RIC1: variants seen among roughly 807,000 people sequenced by gnomAD.
The protein encoded by RIC1 is guanine nucleotide exchange factor subunit RIC1.
Under a neutral mutation model 169.0 loss-of-function variants are expected in RIC1, and 88 were observed. That is an observed-to-expected ratio of 0.52 (90% CI 0.44 to 0.62). RIC1 has a LOEUF of 0.62. Ranked by LOEUF, RIC1 falls within the 20% of genes least tolerant of loss-of-function variation. RIC1 has a pLI of 0.00. For missense variants in RIC1, 1,877 were observed against 1,725.5 expected (o/e 1.09, Z -1.56); for synonymous variants, 790 against 601.5 (o/e 1.31, Z -4.59).
chr9:5,740,636 G>GTA lies in RIC1; in HGVS notation c.901+2099_901+2100dup, dbSNP rs1563941192. ...GCAGGAAGCATCCAGCACACGAGATGTAGGCTGGGGGGCTAGGCCCGTCTC... is the reference window on the plus strand; with the variant it reads ...GCAGGAAGCATCCAGCACACGAGATGTATAGGCTGGGGGGCTAGGCCCGTCTC... On this transcript the variant is annotated intron_variant, in intron 8 of 25. Coordinates refer to ENST00000414202, the MANE Select transcript of RIC1 (RefSeq NM_020829.4). 5.3e-5 allele frequency among the ~76,000 whole-genome samples: 8 copies of GTA among 151,192 alleles called. 1 individual carries two copies. The South Asian group carries it at 1.7e-3, about 32-fold the overall frequency.
rs868397065 is a variant in RIC1, at chr9:5,680,519, G to T, written c.253-9440G>T. ...TATTAATTATTGCCTCAATTTCAGA[G>T]CCTGTTATTGGTCTATTCAGAGATT... On this transcript the variant is annotated intron_variant, in intron 2 of 25. Transcript: ENST00000414202. Among the ~76,000 whole-genome samples the T allele has an allele frequency of 5.9e-5, 9 of 152,064 alleles. No individual in the cohort carries two copies. In the South Asian group the frequency reaches 6.2e-4, roughly 11 times the overall value.
At chr9:5,672,071 G>A (rs1820140525) in intron 2 of RIC1, among the ~76,000 whole-genome samples, 1 of 152,156 alleles carries the variant, frequency 6.6e-6, no homozygotes, top group Admixed American at 6.5e-5. Context: ...TGAGGAAGCC[G>A]GCCCTTCTAC....
chr9:5,701,287 T>C (rs534288014), intron 3 of RIC1, among the ~76,000 whole-genome samples: 46 of 152,284 alleles, frequency 3.0e-4, no homozygotes, highest in Non-Finnish European at 5.3e-4. Context: ...CTTTGGAGTA[T>C]ATCGATTTAA....
intron 4 of RIC1, among the ~76,000 whole-genome samples, chr9:5,716,034 A>G (rs1161095847): frequency 1.3e-5 from 2 of 152,016 alleles, no homozygotes; most frequent in Non-Finnish European, 2.9e-5. Context: ...TGTAGAGACA[A>G]GGTTTCACCA....
At chr9:5,730,544 T>C (rs1824308311) in intron 6 of RIC1, among the ~76,000 whole-genome samples, 1 of 152,158 alleles carries the variant, frequency 6.6e-6, no homozygotes. Context: ...TATGGGTGCA[T>C]GTTTAAGTGG....
chr9:5,699,470 G>GTATA lies in RIC1; in HGVS notation c.332+9433_332+9436dup, dbSNP rs1294942213. ...TTTTATTCATCTTTCTTAAATGTAT[G>GTATA]TATAGCTTACATTTATTTCAATGTC... On this transcript the variant is annotated intron_variant, in intron 3 of 25. Transcript: ENST00000414202. Among the ~76,000 whole-genome samples, 4 of 150,740 alleles carry GTATA rather than the reference G, an allele frequency of 2.7e-5. No homozygotes were observed. The East Asian group carries it at 7.9e-4, about 30-fold the overall frequency.
intron 2 of RIC1, among the ~76,000 whole-genome samples, chr9:5,685,262 A>T (rs1057160350): frequency 1.3e-5 from 2 of 150,538 alleles, no homozygotes; most frequent in African/African-American, 4.9e-5. Flanking sequence ...TCTTCACAGA[A>T]TTGGAAAAAA....
At chr9:5,730,331 G>C (rs1253991954) in intron 6 of RIC1, among the ~76,000 whole-genome samples, 3 of 152,132 alleles carry the variant, frequency 2.0e-5, no homozygotes, top group Non-Finnish European at 2.9e-5. Context: ...GCCAGACTAA[G>C]GGAGGCCAGC....
chr9:5,684,302 G>A (rs56192624), intron 2 of RIC1, among the ~76,000 whole-genome samples: 343 of 14,956 alleles, frequency 0.023, 10 homozygotes, highest in Admixed American at 0.039. Context: ...CCCCCCCCCC[G>A]CCATCTCATC....
intron 1 of RIC1, among the ~76,000 whole-genome samples, chr9:5,632,765 A>G (rs1817778070): frequency 6.6e-6 from 1 of 152,192 alleles, no homozygotes; most frequent in Non-Finnish European, 1.5e-5. Flanking sequence ...GTAGTGTGAG[A>G]TGAATTACAT....
chr9:5,749,187 C>T (rs752914255), intron 12 of RIC1, among the ~76,000 whole-genome samples: 8 of 152,174 alleles, frequency 5.3e-5, no homozygotes, highest in Non-Finnish European at 8.8e-5. Context: ...AAGTAAAAAT[C>T]TAATGTATTT....
chr9:5,772,187 G>A (rs185056961), intron 23 of RIC1, among the ~76,000 whole-genome samples: 1 of 152,154 alleles, frequency 6.6e-6, no homozygotes, highest in African/African-American at 2.4e-5. Context: ...GAAGAAATTT[G>A]GTTTTGTGGA....
chr9:5,770,890 C>T (rs1180463455), intron 23 of RIC1, among the ~76,000 whole-genome samples: 5 of 152,090 alleles, frequency 3.3e-5, no homozygotes, highest in African/African-American at 1.2e-4. Context: ...GGTTTTGAAG[C>T]AATTTGTGTT....
At chr9:5,760,975 T>C (rs965380863) in intron 17 of RIC1, among the ~76,000 whole-genome samples, 1 of 152,128 alleles carries the variant, frequency 6.6e-6, no homozygotes, top group African/African-American at 2.4e-5. Context: ...TTATATAGCA[T>C]GTATAGCATT....
chr9:5,730,133 A>T (rs1216711385), intron 6 of RIC1, among the ~76,000 whole-genome samples: 1 of 152,246 alleles, frequency 6.6e-6, no homozygotes, highest in East Asian at 1.9e-4. Flanking sequence ...ATTAATGGTA[A>T]TAGGGAAATA....
chr9:5,722,049 C>T (rs967994584), intron 6 of RIC1, among the ~76,000 whole-genome samples: 42 of 151,808 alleles, frequency 2.8e-4, no homozygotes, highest in African/African-American at 8.5e-4. Context: ...CCACCACGCC[C>T]GCCTAATTTT....
downstream of RIC1, among the ~76,000 whole-genome samples, chr9:5,778,550 G>A (rs532487965): frequency 2.0e-5 from 3 of 152,296 alleles, no homozygotes; most frequent in South Asian, 6.2e-4. Context: ...GGTTGAGGAT[G>A]TTGCCTTCTG....
chr9:5,747,989 C>T (rs567937466), intron 12 of RIC1, among the ~76,000 whole-genome samples: 19 of 152,248 alleles, frequency 1.2e-4, no homozygotes, highest in African/African-American at 4.3e-4. Flanking sequence ...ATTGTTAATA[C>T]TTTTATTAGC....
intron 7 of RIC1, among the ~76,000 whole-genome samples, chr9:5,735,455 A>C (rs1332509087): frequency 1.3e-5 from 2 of 152,226 alleles, no homozygotes; most frequent in African/African-American, 4.8e-5. Context: ...TATAAGCTAC[A>C]TGATTGGGAA....
Sources: allele counts gnomAD v4.1 joint callset (sites outside exome capture counted in the v4.1 genomes callset), GRCh38; gene constraint gnomAD v4.1.1; transcripts MANE v1.5; gene names NCBI Gene and HGNC (gene_info 2026-07-23, HGNC 2026-07-21).